The following COL4A1 variants were observed in gnomAD, a reference collection of about 807,000 sequenced individuals.
COL4A1 encodes the protein collagen type IV alpha 1 chain.
Under a neutral mutation model 216.6 loss-of-function variants are expected in COL4A1, and 40 were observed. The ratio of observed to expected loss-of-function variants is 0.18; its 90% confidence interval spans 0.14 to 0.24. The LOEUF is 0.24. COL4A1 is among the 10% of genes least tolerant of loss of function. The pLI is 1.00. For synonymous variants in COL4A1, 839 were observed against 810.7 expected, an observed-to-expected ratio of 1.03 and a Z score of -0.59; for missense variants, 1,628 against 2,196.8, an observed-to-expected ratio of 0.74 and a Z score of 5.18.
chr13:110,199,992 G>C (rs1437889006), intron 20 of COL4A1, among the ~76,000 whole-genome samples: 2 of 152,128 alleles, frequency 1.3e-5, no homozygotes, highest in African/African-American at 4.8e-5. Context: ...GGTGTCGTCT[G>C]TTCCCAATAA....
At chr13:110,215,300 C>T (rs796824345) in intron 2 of COL4A1, among the ~76,000 whole-genome samples, 4 of 152,048 alleles carry the variant, frequency 2.6e-5, no homozygotes, top group African/African-American at 9.6e-5. Context: ...TCGCTCATGC[C>T]TGTAATCCCA....
intron 1 of COL4A1, among the ~76,000 whole-genome samples, chr13:110,293,961 A>G (rs1303960883): frequency 1.3e-5 from 2 of 152,144 alleles, no homozygotes; most frequent in African/African-American, 4.8e-5. Flanking sequence ...TAACTCACAA[A>G]TTAGGTTTCT....
chr13:110,166,238 C>T lies in COL4A1; in HGVS notation c.4015G>A (p.Ala1339Thr). ...GDQGDQGVPG[A>T]KGLPGPPGPP... ...GATCAACAAACTCTCCTACCTTTAGCTCCCGGGACGCCTTGATCGCCTTGA... is the reference window on the plus strand; with the variant it reads ...GATCAACAAACTCTCCTACCTTTAGTTCCCGGGACGCCTTGATCGCCTTGA... The change falls in exon 45 of 52, where the codon GCT becomes ACT. Residue 1339 changes from alanine to threonine, a missense_variant. Physicochemically the swap from Ala to Thr is moderately conservative, Grantham distance 58 (BLOSUM62 0). Transcript: ENST00000375820. 1 of 1,602,388 alleles carries T rather than the reference C, an allele frequency of 6.2e-7. No individual in the cohort carries two copies. The highest frequency in any genetic ancestry group is 8.6e-7 in the Non-Finnish European group (1 of 1,169,234).
intron 2 of COL4A1, among the ~76,000 whole-genome samples, chr13:110,231,442 T>C (rs1040047121): frequency 8.5e-5 from 13 of 152,240 alleles, no homozygotes; most frequent in Non-Finnish European, 1.2e-4. Context: ...GCCTGAGCTT[T>C]TGGGGCCTGC....
At position 110,174,473 on chromosome 13, in the gene COL4A1, C is replaced by T; in HGVS notation, c.3379G>A (p.Gly1127Ser). 6.2e-7 allele frequency: 1 copy of T among 1,614,132 alleles called. No homozygotes were observed. The highest frequency in any genetic ancestry group is 8.5e-7 in the Non-Finnish European group (1 of 1,180,022). Reference protein sequence around the residue: ...KGDKGLPGLDGIPGVKGEAGL... With the variant: ...KGDKGLPGLDSIPGVKGEAGL... ...GCTTCTCCTTTGACACCAGGGATGCCATCCAATCCTGGGAGGCCTTTGTCA... is the reference window on the plus strand; with the variant it reads ...GCTTCTCCTTTGACACCAGGGATGCTATCCAATCCTGGGAGGCCTTTGTCA... The change falls in exon 39 of 52, where the codon GGC becomes AGC. Residue 1127 changes from glycine to serine, a missense_variant. By Grantham distance (56) the Gly-to-Ser change is moderately conservative. Transcript: ENST00000375820.
At chr13:110,274,587 G>T (rs921574782) in intron 1 of COL4A1, among the ~76,000 whole-genome samples, 2 of 152,168 alleles carry the variant, frequency 1.3e-5, no homozygotes, top group African/African-American at 2.4e-5. Flanking sequence ...TACAATATAT[G>T]TGAAAGGATG....
chr13:110,251,570 G>A (rs898527993), intron 1 of COL4A1, among the ~76,000 whole-genome samples: 2 of 152,240 alleles, frequency 1.3e-5, no homozygotes, highest in African/African-American at 2.4e-5. Context: ...ACAATAAAAC[G>A]TGGGCTGCAA....
At chr13:110,170,362 TGACAGAAAGGA>T (rs1877579497) in intron 42 of COL4A1, among the ~76,000 whole-genome samples, 174 bp downstream of exon 42, 1 of 152,206 alleles carries the variant, frequency 6.6e-6, no homozygotes, top group Non-Finnish European at 1.5e-5. Flanking sequence ...TTAAATTCCT[TGACAGAAAGGA>T]TACAAGAAAA....
chr13:110,205,001 T>C (rs1326700138), intron 17 of COL4A1, among the ~76,000 whole-genome samples: 2 of 151,958 alleles, frequency 1.3e-5, no homozygotes, highest in African/African-American at 4.8e-5. Context: ...TGTATGCACA[T>C]AGGAACAAGG....
At chr13:110,219,828 G>GCGTATA (rs1880341063) in intron 2 of COL4A1, among the ~76,000 whole-genome samples, 1 of 69,656 alleles carries the variant, frequency 1.4e-5, no homozygotes, top group Non-Finnish European at 3.0e-5. Flanking sequence ...GTATATATAT[G>GCGTATA]TATGTATGTA....
intron 1 of COL4A1, among the ~76,000 whole-genome samples, chr13:110,259,711 A>G (rs1008602837): frequency 1.3e-5 from 2 of 152,268 alleles, no homozygotes; most frequent in African/African-American, 4.8e-5. Context: ...AAATATTCTA[A>G]TTTAAAATAG....
intron 2 of COL4A1, among the ~76,000 whole-genome samples, chr13:110,234,601 AC>A (rs1306343939): frequency 3.9e-5 from 6 of 152,042 alleles, no homozygotes; most frequent in East Asian, 1.9e-4. Context: ...AAAGAAAAAA[AC>A]AGGGGGGCGT....
intron 2 of COL4A1, among the ~76,000 whole-genome samples, chr13:110,225,862 G>C (rs1880716767): frequency 6.6e-6 from 1 of 152,176 alleles, no homozygotes; most frequent in Non-Finnish European, 1.5e-5. Flanking sequence ...CTGAAAATCA[G>C]CTTTGCCATC....
At chr13:110,191,794 T>A (rs1878641372) in intron 24 of COL4A1, 1 of 595,776 alleles carries the variant, frequency 1.7e-6, no homozygotes, top group Non-Finnish European at 3.0e-6. Context: ...TAACCAGCTT[T>A]TAGATGATCT....
At position 110,161,226 on chromosome 13, in the gene COL4A1, T is replaced by G. The variant is rs778550379; in HGVS notation, c.4606A>C (p.Ile1536Leu). 3 of 1,614,202 alleles carry G rather than the reference T, an allele frequency of 1.9e-6. No individual in the cohort carries two copies. The highest frequency in any genetic ancestry group is 2.5e-6 in the Non-Finnish European group (3 of 1,180,024). ...PEPMPMSMAPITGENIRPFIS... is the reference protein window; with the variant it reads ...PEPMPMSMAPLTGENIRPFIS... ...AATGGTCTTATGTTTTCCCCCGTGA[T>G]GGGTGCCATTGACATGGGCATGGGC... The change falls in exon 49 of 52, where the codon ATC (isoleucine) becomes CTC (leucine). Residue 1536 changes from isoleucine to leucine, a missense_variant. Physicochemically the swap from Ile to Leu is conservative, Grantham distance 5. Coordinates refer to ENST00000375820, the MANE Select transcript of COL4A1 (RefSeq NM_001845.6).
chr13:110,204,201 ACGT>A (rs529702599), intron 17 of COL4A1, among the ~76,000 whole-genome samples: 1,873 of 152,316 alleles, frequency 0.012, 20 homozygotes, highest in Non-Finnish European at 0.021. Flanking sequence ...TTTTATATAA[ACGT>A]CATCGTAATG....
chr13:110,212,640 C>T lies in COL4A1; in HGVS notation c.280-22G>A, dbSNP rs372453894. ...GTCCCTGTGAGGGCGGAAGTAAAAG[C>T]GTGTCAGTGAAGAGCCGGGAAGCCT... On this transcript the variant is annotated intron_variant, in intron 4 of 51. Coordinates refer to ENST00000375820, the MANE Select transcript of COL4A1 (RefSeq NM_001845.6). The T allele has an allele frequency of 1.1e-5, 17 of 1,613,220 alleles. No individual in the cohort carries two copies. The African/African-American group carries it at 1.3e-4, about 13-fold the overall frequency.
intron 39 of COL4A1, 29 bp from the exon 40 acceptor site, chr13:110,174,027 C>G: frequency 6.2e-7 from 1 of 1,611,014 alleles, no homozygotes; most frequent in South Asian, 1.1e-5. Flanking sequence ...ATCAGACACC[C>G]GCATAACCTC....
chr13:110,232,864 T>A (rs993890031), intron 2 of COL4A1, among the ~76,000 whole-genome samples: 12 of 152,092 alleles, frequency 7.9e-5, no homozygotes, highest in African/African-American at 2.9e-4. Context: ...TCAAGAGCCA[T>A]CAATTTGTAT....
Sources: gnomAD v4.1 joint callset for allele counts (sites outside exome capture counted in the v4.1 genomes callset) on GRCh38, gnomAD v4.1.1 for gene constraint, MANE v1.5 for transcripts, NCBI Gene and HGNC (gene_info 2026-07-23, HGNC 2026-07-21) for gene names.